ADAMTS3: variants seen among roughly 807,000 people sequenced by gnomAD.
The protein encoded by ADAMTS3 is ADAM metallopeptidase with thrombospondin type 1 motif 3, also known as A disintegrin and metalloproteinase with thrombospondin motifs 3.
In ADAMTS3, 73 loss-of-function variants were observed where a neutral mutation model predicts 129.0. The observed-to-expected ratio is 0.57, with a 90% CI of 0.47 to 0.69. The LOEUF (loss-of-function observed/expected upper bound fraction) is 0.69. Among genes scored for constraint, ADAMTS3 ranks in the 30% least tolerant of loss-of-function variants. ADAMTS3 has a pLI of 0.00. For synonymous variants in ADAMTS3, 477 were observed against 510.8 expected (o/e 0.93, Z 0.89); for missense variants, 1,457 against 1,514.5 (o/e 0.96, Z 0.63).
intron 4 of ADAMTS3, among the ~76,000 whole-genome samples, chr4:72,386,748 A>C (rs1322483243): frequency 2.0e-5 from 3 of 152,180 alleles, no homozygotes; most frequent in African/African-American, 7.2e-5. Context: ...CTAGGATTTA[A>C]ATCTAGGTGG....
At chr4:72,350,130 G>A (rs544883550) in intron 4 of ADAMTS3, among the ~76,000 whole-genome samples, 1 of 152,032 alleles carries the variant, frequency 6.6e-6, no homozygotes, top group African/African-American at 2.4e-5. Flanking sequence ...AAATTGTTGA[G>A]CCATTCCTAA....
chr4:72,520,152 A>C (rs1055518490), intron 3 of ADAMTS3, among the ~76,000 whole-genome samples: 7 of 151,810 alleles, frequency 4.6e-5, no homozygotes, highest in African/African-American at 1.7e-4. Flanking sequence ...GCAGAACAGC[A>C]GATTTTCGTG....
chr4:72,324,911 T>G (rs1719661892), intron 5 of ADAMTS3, among the ~76,000 whole-genome samples: 1 of 152,126 alleles, frequency 6.6e-6, no homozygotes. Flanking sequence ...ACATTAATAG[T>G]CTCAGATAAA....
intron 4 of ADAMTS3, among the ~76,000 whole-genome samples, chr4:72,409,752 A>G (rs535751741): frequency 5.4e-4 from 82 of 152,282 alleles, no homozygotes; most frequent in African/African-American, 1.9e-3. Context: ...TCTGATTCCT[A>G]TTTTATGTAA....
chr4:72,357,567 A>G (rs963694796), intron 4 of ADAMTS3, among the ~76,000 whole-genome samples: 4 of 151,812 alleles, frequency 2.6e-5, no homozygotes, highest in African/African-American at 7.2e-5. Flanking sequence ...ATATACATAT[A>G]TGTGTGTGAA....
At chr4:72,517,856 A>T (rs1446282122) in intron 3 of ADAMTS3, among the ~76,000 whole-genome samples, 1 of 150,748 alleles carries the variant, frequency 6.6e-6, no homozygotes, top group Non-Finnish European at 1.5e-5. Flanking sequence ...CTCTGATCTT[A>T]GTTATTTCTT....
intron 4 of ADAMTS3, among the ~76,000 whole-genome samples, chr4:72,407,555 C>T (rs1447730193): frequency 6.6e-6 from 1 of 152,002 alleles, no homozygotes; most frequent in African/African-American, 2.4e-5. Context: ...TGAGACTTGA[C>T]AATAAAAGAA....
intron 3 of ADAMTS3, among the ~76,000 whole-genome samples, chr4:72,479,213 C>CA (rs1479497463): frequency 2.0e-5 from 3 of 151,960 alleles, no homozygotes; most frequent in Admixed American, 6.6e-5. Flanking sequence ...CATAGGGAAC[C>CA]AAAAAAGAGC....
At chr4:72,333,856 T>TTG in intron 5 of ADAMTS3, among the ~76,000 whole-genome samples, 1 of 135,002 alleles carries the variant, frequency 7.4e-6, no homozygotes, top group Non-Finnish European at 1.6e-5. Context: ...TGCTTTTTTT[T>TTG]TTTTTTTTTT....
chr4:72,491,692 T>C (rs1174077821), intron 3 of ADAMTS3, among the ~76,000 whole-genome samples: 1 of 151,860 alleles, frequency 6.6e-6, no homozygotes, highest in Non-Finnish European at 1.5e-5. Context: ...TGAGGATTTT[T>C]GCATCCATGT....
rs75276739 is a variant in ADAMTS3, at chr4:72,531,488, A to T, written c.504+16990T>A. Among the ~76,000 whole-genome samples the T allele has an allele frequency of 3.2e-3, 481 of 152,306 alleles. 3 individuals carry two copies. Among genetic ancestry groups the T allele is most frequent in the African/African-American group, 0.011 (450 of 41,568 alleles). Reference sequence around the variant, plus strand: ...ACTGGGTATTTGAAGCCACAGAATCAGATGAGGTCTCTAGGTTGAGAGTAG... The same window carrying T: ...ACTGGGTATTTGAAGCCACAGAATCTGATGAGGTCTCTAGGTTGAGAGTAG... On this transcript the variant is annotated intron_variant, in intron 3 of 21. Coordinates refer to ENST00000286657, the MANE Select transcript of ADAMTS3 (RefSeq NM_014243.3).
At chr4:72,544,027 T>C (rs1721404199) in intron 3 of ADAMTS3, among the ~76,000 whole-genome samples, 1 of 152,106 alleles carries the variant, frequency 6.6e-6, no homozygotes, top group Non-Finnish European at 1.5e-5. Context: ...CAATTATATA[T>C]TACTGTTTCT....
chr4:72,515,904 C>T (rs1720458817), intron 3 of ADAMTS3, among the ~76,000 whole-genome samples: 1 of 152,144 alleles, frequency 6.6e-6, no homozygotes, highest in South Asian at 2.1e-4. Context: ...GACATGAAGT[C>T]CTTGTGCATG....
At chr4:72,370,246 C>T (rs1198956890) in intron 4 of ADAMTS3, among the ~76,000 whole-genome samples, 2 of 152,104 alleles carry the variant, frequency 1.3e-5, no homozygotes, top group Admixed American at 1.3e-4. Flanking sequence ...GACCAGTGGC[C>T]GACTCTGGTG....
rs1196416167 is a variant in ADAMTS3 at position 72,568,728 on chromosome 4, G to A, written c.35C>T (p.Ala12Val). ...VLLSLWLIAA[A>V]LVEVRTSADG... The stretch of plus-strand genomic sequence containing the variant: ...AGCTGAAGTCCTAACCTCTACCAGA[G>A]CGGCTGCTATCAACCAAAGTGACAG... Residue 12 changes from alanine (A) to valine (V), a missense_variant, in exon 1 of 22, where the codon GCT becomes GTT. Physicochemically the swap from Ala to Val is moderately conservative, Grantham distance 64. Coordinates refer to ENST00000286657, the MANE Select transcript of ADAMTS3 (RefSeq NM_014243.3). The A allele has an allele frequency of 6.2e-7, 1 of 1,613,776 alleles. No individual in the cohort carries two copies. The highest frequency in any genetic ancestry group is 8.5e-7 in the Non-Finnish European group (1 of 1,179,982).
rs770557731 is a variant in ADAMTS3, at chr4:72,283,283, G to A, written c.3471C>T (p.His1157=). ...CAGCCATTTGTGAAGCTGAACTGAG[G>A]TGGACCCTCTTGGTGGGTGGGGAGG... The part of the protein sequence containing the change: ...VPSSPPTKRV[H]LSSASQMAAA... The change falls in exon 22 of 22, where the codon CAC becomes CAT. Residue 1157 remains histidine (H), a synonymous_variant. Coordinates refer to ENST00000286657, the MANE Select transcript of ADAMTS3 (RefSeq NM_014243.3). The A allele has an allele frequency of 1.9e-6, 3 of 1,614,138 alleles. No homozygotes were observed. In the Admixed American group the frequency reaches 5.0e-5, roughly 27 times the overall value.
chr4:72,522,550 C>T (rs1457035849), intron 3 of ADAMTS3, among the ~76,000 whole-genome samples: 6 of 152,172 alleles, frequency 3.9e-5, no homozygotes, highest in East Asian at 1.9e-4. Context: ...GTCTACAAGT[C>T]GTATCAACTA....
In ADAMTS3 at chr4:72,414,923, C is replaced by T; in HGVS notation, c.553G>A (p.Glu185Lys). The change falls in exon 4 of 22, where the codon GAA (glutamate) becomes AAA (lysine). Residue 185 changes from glutamate to lysine, a missense_variant. Physicochemically the swap from Glu to Lys is moderately conservative, Grantham distance 56 (BLOSUM62 1). Transcript: ENST00000286657. Reference protein sequence around the residue: ...DNEEYFIEPLERGKQMEEEKG... With the variant: ...DNEEYFIEPLKRGKQMEEEKG... Reference sequence around the variant, plus strand: ...TCTTCCTCCATCTGTTTACCTCTTTCCAAGGGTTCAATGAAATACTCTTCA... The same window carrying T: ...TCTTCCTCCATCTGTTTACCTCTTTTCAAGGGTTCAATGAAATACTCTTCA... The T allele has an allele frequency of 1.3e-5, 21 of 1,579,920 alleles. No individual in the cohort carries two copies. Among genetic ancestry groups the T allele is most frequent in the Non-Finnish European group, 1.8e-5 (21 of 1,165,246 alleles).
intron 3 of ADAMTS3, among the ~76,000 whole-genome samples, chr4:72,489,090 T>C (rs1051412945): frequency 6.6e-6 from 1 of 152,010 alleles, no homozygotes; most frequent in Non-Finnish European, 1.5e-5. Context: ...TTCATCCATG[T>C]TGTCACAAAT....
Sources: allele counts gnomAD v4.1 joint callset (sites outside exome capture counted in the v4.1 genomes callset), GRCh38; gene constraint gnomAD v4.1.1; transcripts MANE v1.5; gene names NCBI Gene and HGNC (gene_info 2026-07-23, HGNC 2026-07-21).